The following SEPTIN10 variants were observed in gnomAD, a reference collection of about 807,000 sequenced individuals.
SEPTIN10 encodes septin 10.
In SEPTIN10, 66 loss-of-function variants were observed where a neutral mutation model predicts 54.8. The ratio of observed to expected loss-of-function variants is 1.21; its 90% confidence interval spans 0.99 to 1.48. The LOEUF (loss-of-function observed/expected upper bound fraction) is 1.48. Among genes scored for constraint, SEPTIN10 ranks in the 40% most tolerant of loss-of-function variants. The pLI is 0.00. For missense variants in SEPTIN10, 620 were observed against 545.6 expected (o/e 1.14, Z -1.36); for synonymous variants, 161 against 181.0 (o/e 0.89, Z 0.89).
intron 1 of SEPTIN10, among the ~76,000 whole-genome samples, chr2:109,611,400 A>C (rs964152186): frequency 6.6e-6 from 1 of 152,220 alleles, no homozygotes; most frequent in African/African-American, 2.4e-5. Flanking sequence ...TAAACTACAG[A>C]CTGAAAGAGA....
Position 109,567,816 on chromosome 2 carries a change from T to C in SEPTIN10, c.761A>G (p.Asn254Ser), listed in dbSNP as rs1362454240. Reference protein sequence around the residue: ...DTIAKVNAAMNGQLPFAVVGS... With the variant: ...DTIAKVNAAMSGQLPFAVVGS... ...ATTAACATTCAATCAGGAGCTCACA[T>C]TCATTGCAGCGTTGACCTTAGCAAT... Residue 254 changes from asparagine to serine, a missense_variant and splice_region_variant, in exon 6 of 11, where the codon AAT becomes AGT. Physicochemically the swap from Asn to Ser is conservative, Grantham distance 46. Coordinates refer to ENST00000397712, the MANE Select transcript of SEPTIN10 (RefSeq NM_144710.5). The C allele has an allele frequency of 1.1e-5, 17 of 1,577,966 alleles. No individual in the cohort carries two copies. Among genetic ancestry groups the C allele is most frequent in the Non-Finnish European group, 1.5e-5 (17 of 1,163,728 alleles).
chr2:109,593,899 T>C (rs775173365), intron 1 of SEPTIN10, among the ~76,000 whole-genome samples: 1 of 152,238 alleles, frequency 6.6e-6, no homozygotes, highest in Non-Finnish European at 1.5e-5. Flanking sequence ...TACACGTCCA[T>C]ATCACTATGC....
rs1384956716 is a variant in SEPTIN10, at chr2:109,567,848, A to C, written c.729T>G (p.Asp243Glu). The change falls in exon 6 of 11, where the codon GAT (aspartate) becomes GAG (glutamate). Residue 243 changes from aspartate to glutamate, a missense_variant. By Grantham distance (45) the Asp-to-Glu change is conservative. Transcript: ENST00000397712. ...CAGCGTTGACCTTAGCAATAGTGTC[A>C]TCATCCGTTGGGAACTGGTATATCT... ...GVQIYQFPTDDDTIAKVNAAM... is the reference protein window; with the variant it reads ...GVQIYQFPTDEDTIAKVNAAM... The C allele has an allele frequency of 1.9e-6, 3 of 1,611,636 alleles. No homozygotes were observed. In the Admixed American group the frequency reaches 5.0e-5, roughly 27 times the overall value.
chr2:109,585,782 C>G lies in SEPTIN10; in HGVS notation c.156G>C (p.Leu52Phe). The G allele has an allele frequency of 6.2e-7, 1 of 1,609,498 alleles. No homozygotes were observed. Among genetic ancestry groups the G allele is most frequent in the Non-Finnish European group, 8.5e-7 (1 of 1,177,802 alleles). Residue 52 changes from leucine (L) to phenylalanine (F), a missense_variant, in exon 3 of 11, where the codon TTG (leucine) becomes TTC (phenylalanine). Coordinates refer to ENST00000397712, the MANE Select transcript of SEPTIN10 (RefSeq NM_144710.5). ...TMSGHVGFES[L>F]PDQLVNRSIQ... ...TGGATCTGTTCACCAGCTGATCAGG[C>G]AAACTCTCAAAACCAACATGGCCAG... is the stretch of plus-strand genomic sequence containing the variant.
At chr2:109,551,115 G>A (rs1682833024) in intron 9 of SEPTIN10, among the ~76,000 whole-genome samples, 1 of 152,184 alleles carries the variant, frequency 6.6e-6, no homozygotes, top group Admixed American at 6.5e-5. Context: ...GAATAGGGAA[G>A]ACAGAACGTC....
chr2:109,576,622 A>C (rs899584107), intron 4 of SEPTIN10, among the ~76,000 whole-genome samples: 6 of 152,132 alleles, frequency 3.9e-5, no homozygotes, highest in African/African-American at 1.4e-4. Context: ...AATTCCAAAG[A>C]AGCTTTTATT....
At chr2:109,545,906 G>GTC (rs1246091759) in intron 10 of SEPTIN10, 144 bp downstream of exon 10, 1 of 1,444,098 alleles carries the variant, frequency 6.9e-7, no homozygotes, top group Non-Finnish European at 9.2e-7. Flanking sequence ...GAGGGACAAG[G>GTC]TCTCTCCTCT....
At position 109,598,507 on chromosome 2, in the gene SEPTIN10, C is replaced by T. The variant is rs573156751; in HGVS notation, c.31-5388G>A. On this transcript the variant is annotated intron_variant, in intron 1 of 10. Coordinates refer to ENST00000397712, the MANE Select transcript of SEPTIN10 (RefSeq NM_144710.5). ...TTGGCATTCTTTAGGATAATGTGAG[C>T]GAGAGCGAGAGAGAACAAAAAGCAA... Among the ~76,000 whole-genome samples, 8 of 152,092 alleles carry T rather than the reference C, an allele frequency of 5.3e-5. 1 individual carries two copies. Among genetic ancestry groups the T allele is most frequent in the African/African-American group, 1.7e-4 (7 of 41,498 alleles).
intron 1 of SEPTIN10, among the ~76,000 whole-genome samples, chr2:109,601,468 A>G (rs1486105369): frequency 6.6e-6 from 1 of 152,192 alleles, no homozygotes; most frequent in Admixed American, 6.5e-5. Context: ...CAAAACTAAC[A>G]TCTTAATTTA....
At chr2:109,567,656 A>T (rs899844863) in intron 6 of SEPTIN10, among the ~76,000 whole-genome samples, 159 bp downstream of exon 6, 15 of 152,260 alleles carry the variant, frequency 9.9e-5, no homozygotes, top group East Asian at 1.9e-4. Flanking sequence ...TCCAACTTAA[A>T]AAACTAAACA....
intron 4 of SEPTIN10, among the ~76,000 whole-genome samples, chr2:109,580,018 G>A (rs1690716987): frequency 6.6e-6 from 1 of 151,884 alleles, no homozygotes; most frequent in Admixed American, 6.6e-5. Flanking sequence ...CTACTCGGGA[G>A]GCTGAGGCAG....
rs1680455456 is a variant in SEPTIN10, at chr2:109,543,576, C to T, written c.*733G>A. The T allele has an allele frequency of 6.6e-6, 1 of 152,042 alleles. No individual in the cohort carries two copies. Among genetic ancestry groups the T allele is most frequent in the South Asian group, 2.1e-4 (1 of 4,814 alleles). 9.4% of individuals were successfully genotyped at this position (152,042 alleles called of 1,614,324 possible). A position where few individuals can be genotyped will look rare whatever the true frequency, so the allele number is the denominator to read the frequency against. The stretch of plus-strand genomic sequence containing the variant: ...CCATAATACATCCCAAAACATATTC[C>T]CCAAAATTTTTAGCATATATAAAAA... On this transcript the variant is annotated 3_prime_UTR_variant, in exon 11 of 11. Coordinates refer to ENST00000397712, the MANE Select transcript of SEPTIN10 (RefSeq NM_144710.5).
At chr2:109,561,019 A>T (rs1685532330) in intron 8 of SEPTIN10, among the ~76,000 whole-genome samples, 1 of 152,158 alleles carries the variant, frequency 6.6e-6, no homozygotes, top group Non-Finnish European at 1.5e-5. Flanking sequence ...AGAGCAAATA[A>T]TAATTTTTAA....
Position 109,582,218 on chromosome 2 carries a change from C to T in SEPTIN10, c.413+2908G>A, listed in dbSNP as rs139947879. 2.5e-3 allele frequency among the ~76,000 whole-genome samples: 375 copies of T among 151,960 alleles called. 11 individuals are homozygous for T. The East Asian group carries it at 0.057, about 23-fold the overall frequency. ...TGAAAGAAATCACAGATGACACCGA[C>T]AAACTGAAAAAATGCTCATGGAATC... On this transcript the variant is annotated intron_variant, in intron 4 of 10. Coordinates refer to ENST00000397712, the MANE Select transcript of SEPTIN10 (RefSeq NM_144710.5).
intron 2 of SEPTIN10, 120 bp downstream of exon 2, chr2:109,592,931 T>C (rs2105949390): frequency 1.9e-6 from 1 of 518,778 alleles, no homozygotes; most frequent in South Asian, 7.5e-5. Flanking sequence ...TAATTCACGT[T>C]GGAGGTAAGT....
At chr2:109,607,505 T>C (rs1466542403) in intron 1 of SEPTIN10, among the ~76,000 whole-genome samples, 2 of 152,132 alleles carry the variant, frequency 1.3e-5, no homozygotes, top group Non-Finnish European at 2.9e-5. Context: ...AATAAACAAA[T>C]GGTCTGTGGC....
Position 109,552,051 on chromosome 2 carries a change from T to C in SEPTIN10, c.1161+1036A>G, listed in dbSNP as rs143744235. Among the ~76,000 whole-genome samples, 554 of 152,348 alleles carry C rather than the reference T, an allele frequency of 3.6e-3. 2 individuals are homozygous for C. Among genetic ancestry groups the C allele is most frequent in the Non-Finnish European group, 4.1e-3 (279 of 68,028 alleles). Reference sequence around the variant, plus strand: ...GCATTACTGCCTGAGCTCCGCCTACTGTCAGATCAGTGGTGGCATTAGATT... The same window carrying C: ...GCATTACTGCCTGAGCTCCGCCTACCGTCAGATCAGTGGTGGCATTAGATT... On this transcript the variant is annotated intron_variant, in intron 9 of 10. Transcript: ENST00000397712.
intron 8 of SEPTIN10, among the ~76,000 whole-genome samples, chr2:109,562,271 T>A (rs1685846203): frequency 6.6e-6 from 1 of 151,462 alleles, no homozygotes; most frequent in African/African-American, 2.4e-5. Context: ...TTAAGCATGC[T>A]TCTCACCCCT....
At chr2:109,608,033 T>C (rs1177393641) in intron 1 of SEPTIN10, among the ~76,000 whole-genome samples, 1 of 152,264 alleles carries the variant, frequency 6.6e-6, no homozygotes, top group Non-Finnish European at 1.5e-5. Context: ...AACTAGCTAC[T>C]AATTTGTCAG....
Sources: allele counts gnomAD v4.1 joint callset (sites outside exome capture counted in the v4.1 genomes callset), GRCh38; gene constraint gnomAD v4.1.1; transcripts MANE v1.5; gene names NCBI Gene and HGNC (gene_info 2026-07-23, HGNC 2026-07-21).